Variants in MEF2A observed in about 807,000 individuals in gnomAD.
MEF2A encodes the protein myocyte-specific enhancer factor 2A.
Under a neutral mutation model 55.8 loss-of-function variants are expected in MEF2A, and 28 were observed. The observed-to-expected ratio is 0.50, with a 90% confidence interval of 0.37 to 0.69. The LOEUF (loss-of-function observed/expected upper bound fraction) is 0.69. Ranked by LOEUF, MEF2A falls within the 30% of genes least tolerant of loss-of-function variation. MEF2A has a pLI of 0.00. For synonymous variants in MEF2A, 239 were observed against 227.1 expected, an observed-to-expected ratio of 1.05 and a Z score of -0.47; for missense variants, 528 against 626.2, an observed-to-expected ratio of 0.84 and a Z score of 1.67.
chr15:99,706,518 C>T (rs1455629023), intron 9 of MEF2A: 3 of 532,962 alleles, frequency 5.6e-6, no homozygotes, highest in Non-Finnish European at 9.9e-6. Context: ...TGACACTAAT[C>T]AACTATTTTA....
chr15:99,606,663 T>TA (rs1180433045), intron 2 of MEF2A, among the ~76,000 whole-genome samples: 2 of 151,972 alleles, frequency 1.3e-5, no homozygotes, highest in African/African-American at 2.4e-5. Flanking sequence ...AAATGCGAAT[T>TA]AAAAAAAACT....
At chr15:99,699,561 C>A (rs560771201) in intron 8 of MEF2A, among the ~76,000 whole-genome samples, 1 of 152,054 alleles carries the variant, frequency 6.6e-6, no homozygotes, top group Non-Finnish European at 1.5e-5. Context: ...AAAAAGATTC[C>A]GGGGGAGCCC....
intron 8 of MEF2A, among the ~76,000 whole-genome samples, chr15:99,697,360 C>A (rs1443532390): frequency 6.6e-6 from 1 of 151,682 alleles, no homozygotes; most frequent in Non-Finnish European, 1.5e-5. Context: ...ACAAAAAAAA[C>A]TCCTCGGACC....
intron 8 of MEF2A, 127 bp downstream of exon 8, chr15:99,690,555 T>C (rs753519725): frequency 1.2e-6 from 1 of 864,172 alleles, no homozygotes; most frequent in South Asian, 1.4e-5. Context: ...AATATTTCCA[T>C]TCAAAATTAG....
chr15:99,675,132 CA>C (rs1457928892), intron 6 of MEF2A, among the ~76,000 whole-genome samples: 1 of 152,182 alleles, frequency 6.6e-6, no homozygotes, highest in African/African-American at 2.4e-5. Context: ...CCGTTTTTAT[CA>C]GTATGTACTA....
chr15:99,623,857 G>T (rs2041646210), intron 2 of MEF2A, among the ~76,000 whole-genome samples: 1 of 151,454 alleles, frequency 6.6e-6, no homozygotes, highest in Non-Finnish European at 1.5e-5. Flanking sequence ...GCCCAGGCTG[G>T]AGTGCAATGG....
intron 1 of MEF2A, among the ~76,000 whole-genome samples, chr15:99,575,284 A>G (rs531703170): frequency 6.6e-6 from 1 of 152,226 alleles, no homozygotes; most frequent in African/African-American, 2.4e-5. Flanking sequence ...TCCCATTCCA[A>G]TATTATACAA....
In MEF2A at chr15:99,708,601, G is replaced by A. The variant is rs78275594; in HGVS notation, c.1009+1746G>A. Among the ~76,000 whole-genome samples the A allele has an allele frequency of 1.6e-3, 246 of 152,284 alleles. 2 individuals are homozygous for A. The highest frequency in any genetic ancestry group is 5.5e-3 in the African/African-American group (228 of 41,552). On this transcript the variant is annotated intron_variant, in intron 10 of 11. Coordinates refer to ENST00000557942, the MANE Select transcript of MEF2A (RefSeq NM_001319206.4). ...TACTCTGTTTGAAGTTTACCATGTTGTTTTTAACTTATTTCCACATCTATT... is the reference window on the plus strand; with the variant it reads ...TACTCTGTTTGAAGTTTACCATGTTATTTTTAACTTATTTCCACATCTATT...
At chr15:99,668,854 T>C (rs2050315874) in intron 4 of MEF2A, among the ~76,000 whole-genome samples, 1 of 152,220 alleles carries the variant, frequency 6.6e-6, no homozygotes, top group African/African-American at 2.4e-5. Flanking sequence ...AAAAGTCTTT[T>C]TATGGTAGTT....
chr15:99,702,147 A>G (rs916055321), intron 8 of MEF2A, among the ~76,000 whole-genome samples: 3 of 152,230 alleles, frequency 2.0e-5, no homozygotes, highest in Non-Finnish European at 4.4e-5. Flanking sequence ...ATCTATAACA[A>G]AACAGTTGAA....
rs112542870 is a variant in MEF2A at position 99,678,765 on chromosome 15, T to C, written c.670+3307T>C. On this transcript the variant is annotated intron_variant, in intron 7 of 11. Coordinates refer to ENST00000557942, the MANE Select transcript of MEF2A (RefSeq NM_001319206.4). ...AAGAAAGTCTAATGGAAAGACTGAT[T>C]GATTTGCTTGTGTGAAAATTGGAAA... The C allele has an allele frequency of 2.3e-3, 1,868 of 822,278 alleles. 27 individuals carry two copies. The African/African-American group carries it at 0.032, about 14-fold the overall frequency. 50.9% of individuals were successfully genotyped at this position (822,278 alleles called of 1,614,324 possible). A position where few individuals can be genotyped will look rare whatever the true frequency, so the allele number is the denominator to read the frequency against.
intron 1 of MEF2A, among the ~76,000 whole-genome samples, chr15:99,576,274 T>C (rs1273362820): frequency 6.6e-6 from 1 of 152,244 alleles, no homozygotes; most frequent in Non-Finnish European, 1.5e-5. Flanking sequence ...AACTGTTTTC[T>C]TTGAAAGTGT....
chr15:99,684,385 G>T (rs1034065206), intron 7 of MEF2A, among the ~76,000 whole-genome samples: 17 of 152,112 alleles, frequency 1.1e-4, no homozygotes, highest in Admixed American at 6.6e-5. Flanking sequence ...ATTATTTTTT[G>T]ATTTTTTAAA....
intron 2 of MEF2A, among the ~76,000 whole-genome samples, chr15:99,613,004 G>A (rs989327867): frequency 5.9e-5 from 9 of 152,028 alleles, no homozygotes; most frequent in Non-Finnish European, 1.3e-4. Flanking sequence ...GGCCATAAAT[G>A]TGTGTATAAA....
intron 7 of MEF2A, among the ~76,000 whole-genome samples, chr15:99,684,806 A>G (rs550624652): frequency 1.2e-4 from 19 of 152,314 alleles, no homozygotes; most frequent in African/African-American, 4.3e-4. Context: ...CCAGTGTTCT[A>G]GAATTTTTGT....
chr15:99,636,233 C>A (rs2043809048), intron 3 of MEF2A, among the ~76,000 whole-genome samples: 1 of 152,084 alleles, frequency 6.6e-6, no homozygotes, highest in Non-Finnish European at 1.5e-5. Context: ...TTCTAATGGG[C>A]TGCCTGCTTT....
At chr15:99,689,854 G>A (rs1245444254) in intron 7 of MEF2A, among the ~76,000 whole-genome samples, 1 of 152,146 alleles carries the variant, frequency 6.6e-6, no homozygotes, top group Non-Finnish European at 1.5e-5. Context: ...TTAGTCTTAA[G>A]CTTTATATGT....
intron 1 of MEF2A, among the ~76,000 whole-genome samples, chr15:99,586,765 A>C (rs1046033001): frequency 6.6e-6 from 1 of 152,192 alleles, no homozygotes; most frequent in Non-Finnish European, 1.5e-5. Flanking sequence ...GTCTCAAACT[A>C]TAAAACTTTG....
chr15:99,633,126 C>A lies in MEF2A; in HGVS notation c.7C>A (p.Arg3=). 6.3e-7 allele frequency: 1 copy of A among 1,593,704 alleles called. No individual in the cohort carries two copies. Among genetic ancestry groups the A allele is most frequent in the Non-Finnish European group, 8.5e-7 (1 of 1,170,908 alleles). MG[R]KKIQITRIMD... is the part of the protein sequence containing the mutation. ...TAAGGAAAGTTGACTGAAAATGGGG[C>A]GGAAGAAAATACAAATCACACGCAT... The change falls in exon 3 of 12, where the codon CGG becomes AGG. Residue 3 remains arginine (R), a synonymous_variant. Transcript: ENST00000557942.
Sources: gnomAD v4.1 joint callset for allele counts (sites outside exome capture counted in the v4.1 genomes callset) on GRCh38, gnomAD v4.1.1 for gene constraint, MANE v1.5 for transcripts, NCBI Gene and HGNC (gene_info 2026-07-23, HGNC 2026-07-21) for gene names.